The following FBXL20 variants were observed in gnomAD, a reference collection of about 807,000 sequenced individuals.
FBXL20 encodes the protein F-box/LRR-repeat protein 20.
FBXL20 carries 11 observed loss-of-function variants against 64.0 expected under a neutral mutation model. The ratio of observed to expected loss-of-function variants is 0.17; its 90% CI spans 0.11 to 0.28. The LOEUF is 0.28. Ranked by LOEUF, FBXL20 falls within the 10% of genes least tolerant of loss-of-function variation. The pLI, the probability that FBXL20 is intolerant of heterozygous loss-of-function variation, is 1.00. For synonymous variants in FBXL20, 184 were observed against 189.0 expected, an observed-to-expected ratio of 0.97 and a Z score of 0.22; for missense variants, 303 against 526.2, an observed-to-expected ratio of 0.58 and a Z score of 4.15.
upstream of FBXL20, chr17:39,401,833 G>T (rs1597845287): frequency 1.9e-6 from 1 of 537,286 alleles, no homozygotes; most frequent in Non-Finnish European, 2.5e-6. Flanking sequence ...GCGCGGCGGC[G>T]GCACGACCCC....
intron 1 of FBXL20, among the ~76,000 whole-genome samples, chr17:39,361,144 T>C (rs1193504306): frequency 2.0e-5 from 3 of 152,038 alleles, no homozygotes; most frequent in African/African-American, 4.8e-5. Context: ...ACCTGAGTGT[T>C]AGGGAACAGG....
intron 10 of FBXL20, among the ~76,000 whole-genome samples, chr17:39,274,477 T>TA (rs1249166527): frequency 6.6e-6 from 1 of 152,192 alleles, no homozygotes; most frequent in Non-Finnish European, 1.5e-5. Context: ...CTACAAAAAG[T>TA]AAAAAACACA....
chr17:39,349,260 T>C (rs949724134), intron 1 of FBXL20, among the ~76,000 whole-genome samples: 1 of 93,894 alleles, frequency 1.1e-5, no homozygotes, highest in African/African-American at 4.2e-5. Flanking sequence ...TCAAAATAAA[T>C]AAGCAAATAA....
chr17:39,376,947 G>C (rs2144646770), intron 1 of FBXL20, among the ~76,000 whole-genome samples: 1 of 152,198 alleles, frequency 6.6e-6, no homozygotes, highest in East Asian at 1.9e-4. Flanking sequence ...CCTCCAAGCT[G>C]CCCTTGTTCA....
intron 2 of FBXL20, among the ~76,000 whole-genome samples, chr17:39,313,390 C>T (rs1236715769): frequency 2.6e-5 from 4 of 151,256 alleles, no homozygotes; most frequent in Non-Finnish European, 4.4e-5. Context: ...CCTGCCACCA[C>T]GCCAGCTAAT....
chr17:39,303,603 G>A lies in FBXL20; in HGVS notation c.141C>T (p.Arg47=). Reference sequence around the variant, plus strand: ...TACTTACCCTGGAGACCTGAGCACAGCGGCACAGGGTAACAACATCTAGAA... The same window carrying A: ...TACTTACCCTGGAGACCTGAGCACAACGGCACAGGGTAACAACATCTAGAA... ...FSFLDVVTLC[R]CAQVSRAWNV... is the part of the protein sequence containing the mutation. The change falls in exon 3 of 15, where the codon CGC becomes CGT. Residue 47 remains arginine (R), a synonymous_variant. Transcript: ENST00000264658. 6.2e-7 allele frequency: 1 copy of A among 1,611,370 alleles called. No homozygotes were observed. The highest frequency in any genetic ancestry group is 1.1e-5 in the South Asian group (1 of 90,504).
At chr17:39,285,731 T>C (rs573600977) in intron 6 of FBXL20, among the ~76,000 whole-genome samples, 158 bp from the exon 7 acceptor site, 4 of 152,280 alleles carry the variant, frequency 2.6e-5, no homozygotes, top group South Asian at 2.1e-4. Flanking sequence ...ACCCTTCACA[T>C]TGAGGAAGAG....
intron 2 of FBXL20, among the ~76,000 whole-genome samples, chr17:39,338,410 A>G (rs995297063): frequency 3.3e-5 from 5 of 152,210 alleles, no homozygotes; most frequent in African/African-American, 1.2e-4. Flanking sequence ...GGAAGGCCGC[A>G]GGGTCCTCTG....
chr17:39,367,085 G>A (rs1455058884), intron 1 of FBXL20, among the ~76,000 whole-genome samples: 2 of 151,328 alleles, frequency 1.3e-5, no homozygotes, highest in Non-Finnish European at 2.9e-5. Flanking sequence ...GGGTTTCGGC[G>A]TGTTAGCCAG....
intron 6 of FBXL20, among the ~76,000 whole-genome samples, chr17:39,291,867 G>A (rs998805901): frequency 2.6e-5 from 4 of 151,994 alleles, no homozygotes; most frequent in African/African-American, 9.7e-5. Context: ...AAATTTCTTC[G>A]TAAGCAATTC....
At chr17:39,336,748 T>C (rs1285250109) in intron 2 of FBXL20, among the ~76,000 whole-genome samples, 2 of 150,588 alleles carry the variant, frequency 1.3e-5, no homozygotes, top group South Asian at 2.1e-4. Context: ...CACTTGAACC[T>C]GGGAGGCAGA....
At chr17:39,276,441 C>T (rs145647629) in intron 9 of FBXL20, among the ~76,000 whole-genome samples, 1,759 of 150,506 alleles carry the variant, frequency 0.012, 10 homozygotes, top group Non-Finnish European at 0.018. Context: ...GAGGCGGAGG[C>T]GGGTGGATCA....
At chr17:39,331,348 G>A (rs1270187496) in intron 2 of FBXL20, among the ~76,000 whole-genome samples, 5 of 152,152 alleles carry the variant, frequency 3.3e-5, no homozygotes, top group Non-Finnish European at 7.4e-5. Context: ...TTTTCTGCCC[G>A]CCTCGGCCTC....
At chr17:39,381,887 G>A (rs545912614) in intron 1 of FBXL20, among the ~76,000 whole-genome samples, 1 of 151,214 alleles carries the variant, frequency 6.6e-6, no homozygotes, top group East Asian at 2.0e-4. Flanking sequence ...ACGAGGCCAA[G>A]AGGTCAAGAC....
chr17:39,347,099 G>A lies in FBXL20; in HGVS notation c.43-3858C>T, dbSNP rs1173175919. Among the ~76,000 whole-genome samples, 6 of 152,138 alleles carry A rather than the reference G, an allele frequency of 3.9e-5. No homozygotes were observed. The South Asian group carries it at 6.2e-4, about 16-fold the overall frequency. ...TTAATCCAGTCTGTCATTGATGGAC[G>A]TTTGGGTTGGTTCCAAGTCCTTGCT... On this transcript the variant is annotated intron_variant, in intron 1 of 14. Transcript: ENST00000264658.
rs1263615148 is a variant in FBXL20, at chr17:39,356,059, C to G, written c.43-12818G>C. On this transcript the variant is annotated intron_variant, in intron 1 of 14. Transcript: ENST00000264658. ...TGAAACCCTGTCTCTACTAAAAATA[C>G]AAAAAGTAGCCAGGCGTGGTGGCAT... Among the ~76,000 whole-genome samples the G allele has an allele frequency of 2.0e-5, 3 of 150,582 alleles. No homozygotes were observed. In the East Asian group the frequency reaches 5.9e-4, roughly 30 times the overall value.
At chr17:39,319,738 GAA>G (rs531960977) in intron 2 of FBXL20, among the ~76,000 whole-genome samples, 1 of 113,578 alleles carries the variant, frequency 8.8e-6, no homozygotes, top group African/African-American at 3.3e-5. Flanking sequence ...GTGAAGGCCA[GAA>G]AAAAAAAAAA....
chr17:39,323,211 C>T (rs1043246588), intron 2 of FBXL20, among the ~76,000 whole-genome samples: 2 of 151,946 alleles, frequency 1.3e-5, no homozygotes, highest in African/African-American at 2.4e-5. Context: ...CCTCGTGATC[C>T]GCCCGCCTCG....
At chr17:39,385,740 T>C (rs942644236) in intron 1 of FBXL20, among the ~76,000 whole-genome samples, 5 of 152,104 alleles carry the variant, frequency 3.3e-5, no homozygotes, top group African/African-American at 9.7e-5. Context: ...CCATTAAATT[T>C]TGATTAGGCA....
Sources: gnomAD v4.1 joint callset for allele counts (sites outside exome capture counted in the v4.1 genomes callset) on GRCh38, gnomAD v4.1.1 for gene constraint, MANE v1.5 for transcripts, NCBI Gene and HGNC (gene_info 2026-07-23, HGNC 2026-07-21) for gene names.